The following SYTL4 variants were observed in gnomAD, a reference collection of about 807,000 sequenced individuals.
The protein encoded by SYTL4 is synaptotagmin-like protein 4.
Under a neutral mutation model 52.7 loss-of-function variants are expected in SYTL4, and 16 were observed. The ratio of observed to expected loss-of-function variants is 0.30; its 90% CI spans 0.21 to 0.46. SYTL4 has a LOEUF of 0.46. Ranked by LOEUF, SYTL4 falls within the 20% of genes least tolerant of loss-of-function variation. The pLI is 1.00. For missense variants in SYTL4, 423 were observed against 519.9 expected, an observed-to-expected ratio of 0.81 and a Z score of 1.81; for synonymous variants, 160 against 186.6, an observed-to-expected ratio of 0.86 and a Z score of 1.16.
intron 2 of SYTL4, among the ~76,000 whole-genome samples, chrX:100,730,572 TCA>T (rs758581373): frequency 1.8e-5 from 2 of 111,774 alleles, no homozygotes; most frequent in African/African-American, 6.5e-5. Context: ...AAAGAACTTA[TCA>T]CAGTGTCCAG....
At position 100,701,596 on chromosome X, in the gene SYTL4, C is replaced by A; in HGVS notation, c.188G>T (p.Cys63Phe). 1.7e-6 allele frequency: 2 copies of A among 1,211,855 alleles called. No homozygotes were observed. The highest frequency in any genetic ancestry group is 2.2e-6 in the Non-Finnish European group (2 of 895,558). ...GCCCAGGCTCTCCTGGCACCGGGCACAGGTCCGATCACTGTAGTGTTGGCT... is the reference window on the plus strand; with the variant it reads ...GCCCAGGCTCTCCTGGCACCGGGCAAAGGTCCGATCACTGTAGTGTTGGCT... ...RGSQHYSDRTCARCQESLGRL... is the reference protein window; with the variant it reads ...RGSQHYSDRTFARCQESLGRL... The change falls in exon 6 of 20, where the codon TGT becomes TTT. Residue 63 changes from cysteine to phenylalanine, a missense_variant. Coordinates refer to ENST00000372989, the MANE Select transcript of SYTL4 (RefSeq NM_001370165.1).
chrX:100,686,191 G>C, intron 15 of SYTL4, 40 bp from the exon 16 acceptor site: 1 of 1,148,733 alleles, frequency 8.7e-7, no homozygotes, highest in Admixed American at 2.5e-5. Flanking sequence ...ATTAGTTAAG[G>C]GTAATTCTTC....
At chrX:100,715,243 G>A (rs1324678552) in intron 2 of SYTL4, among the ~76,000 whole-genome samples, 13 of 111,424 alleles carry the variant, frequency 1.2e-4, no homozygotes, top group African/African-American at 2.9e-4. Flanking sequence ...GGCTGGTCTC[G>A]AACTCTTAGA....
intron 16 of SYTL4, among the ~76,000 whole-genome samples, chrX:100,684,124 C>T (rs970173341): frequency 8.9e-6 from 1 of 111,844 alleles, no homozygotes; most frequent in Non-Finnish European, 1.9e-5. Flanking sequence ...TATTTTGTTA[C>T]ATCCATCATT....
rs758941585 is a variant in SYTL4 at position 100,701,354 on chromosome X, C to T, written c.327-25G>A. ...TCTGGGAAGAAATAAAAGAAAATGA[C>T]AGATGGATAAAGAATGGTTCTTGTC... On this transcript the variant is annotated intron_variant, in intron 6 of 19. Transcript: ENST00000372989. The T allele has an allele frequency of 8.5e-6, 10 of 1,180,957 alleles. No individual in the cohort carries two copies. The South Asian group carries it at 1.6e-4, about 19-fold the overall frequency.
chrX:100,687,779 G>A (rs140676034), intron 13 of SYTL4: 1,152 of 113,754 alleles, frequency 0.01, 20 homozygotes, highest in African/African-American at 0.036. Flanking sequence ...GGTAGTAATC[G>A]GTCATGCGAG....
chrX:100,683,733 T>G (rs1031399189), intron 16 of SYTL4, among the ~76,000 whole-genome samples: 26 of 112,671 alleles, frequency 2.3e-4, no homozygotes, highest in African/African-American at 8.4e-4. Flanking sequence ...TCTACACAAT[T>G]TATTAATTTC....
rs779530459 is a variant in SYTL4, at chrX:100,678,304, A to T, written c.1867+87T>A. 42 of 639,647 alleles carry T rather than the reference A, an allele frequency of 6.6e-5. No homozygotes were observed. In the East Asian group the frequency reaches 1.0e-3, roughly 16 times the overall value. The allele number at this position is 639,647 out of a possible 1,213,427, so 52.7% of individuals were successfully genotyped here. A position where few individuals can be genotyped will look rare whatever the true frequency, so the allele number is the denominator to read the frequency against. On this transcript the variant is annotated intron_variant, in intron 19 of 19. Coordinates refer to ENST00000372989, the MANE Select transcript of SYTL4 (RefSeq NM_001370165.1). Reference sequence around the variant, plus strand: ...AAGAAGACAACTGTCATCACAGAGGAGCTTTGTGTTGGGGGGCGGGAATGG... The same window carrying T: ...AAGAAGACAACTGTCATCACAGAGGTGCTTTGTGTTGGGGGGCGGGAATGG...
At chrX:100,679,838 A>G (rs1018287491) in intron 17 of SYTL4, among the ~76,000 whole-genome samples, 15 of 111,631 alleles carry the variant, frequency 1.3e-4, no homozygotes, top group African/African-American at 4.6e-4. Context: ...CTCTTCAGAC[A>G]TCATCAATTT....
At chrX:100,720,525 A>G (rs1387345384) in intron 2 of SYTL4, among the ~76,000 whole-genome samples, 13 of 112,021 alleles carry the variant, frequency 1.2e-4, no homozygotes, top group Non-Finnish European at 9.4e-5. Context: ...GGGATCACAG[A>G]TGGTGGGGAT....
chrX:100,714,306 C>G (rs1291460745), intron 2 of SYTL4, among the ~76,000 whole-genome samples: 5 of 106,339 alleles, frequency 4.7e-5, no homozygotes, highest in African/African-American at 1.4e-4. Context: ...GTTGCCCAGG[C>G]TGGAGTGCAG....
chrX:100,706,668 TA>T (rs2147779161), intron 2 of SYTL4, among the ~76,000 whole-genome samples: 1 of 112,230 alleles, frequency 8.9e-6, no homozygotes, highest in Admixed American at 9.5e-5. Flanking sequence ...ATGAAACTCA[TA>T]TATGAGCAAA....
Position 100,674,664 on chromosome X carries a change from A to G in SYTL4, c.*1364T>C, listed in dbSNP as rs1378791952. ...TCGGTTCATACATACAGTAGAAACCACTGTGGCTGCCCTTAATCCAGTGTG... is the reference window on the plus strand; with the variant it reads ...TCGGTTCATACATACAGTAGAAACCGCTGTGGCTGCCCTTAATCCAGTGTG... On this transcript the variant is annotated 3_prime_UTR_variant, in exon 20 of 20. Coordinates refer to ENST00000372989, the MANE Select transcript of SYTL4 (RefSeq NM_001370165.1). 1 of 111,932 alleles carries G rather than the reference A, an allele frequency of 8.9e-6. No individual in the cohort carries two copies. Among genetic ancestry groups the G allele is most frequent in the Non-Finnish European group, 1.9e-5 (1 of 53,204 alleles). The allele number at this position is 111,932 out of a possible 1,213,427, so 9.2% of individuals were successfully genotyped here.
intron 2 of SYTL4, among the ~76,000 whole-genome samples, chrX:100,713,144 A>C (rs1352792143): frequency 1.6e-4 from 18 of 112,425 alleles, no homozygotes; most frequent in African/African-American, 5.8e-4. Context: ...TTTATCCAAG[A>C]AAAGCAAAAG....
intron 2 of SYTL4, among the ~76,000 whole-genome samples, chrX:100,720,748 A>G (rs2084324357): frequency 1.8e-5 from 2 of 112,538 alleles, no homozygotes; most frequent in African/African-American, 6.5e-5. Context: ...AAAACAATAA[A>G]AAATAACCTG....
At chrX:100,679,167 G>A in intron 18 of SYTL4, 146 bp downstream of exon 18, 2 of 465,036 alleles carry the variant, frequency 4.3e-6, no homozygotes, top group South Asian at 6.7e-5. Flanking sequence ...AGGTGGTGAA[G>A]GTTTTGTCAT....
intron 2 of SYTL4, among the ~76,000 whole-genome samples, chrX:100,721,353 A>G (rs184588086): frequency 9.0e-6 from 1 of 111,620 alleles, no homozygotes; most frequent in Non-Finnish European, 1.9e-5. Context: ...AAAGCTACAC[A>G]TACAGGAATC....
intron 2 of SYTL4, among the ~76,000 whole-genome samples, chrX:100,714,152 A>AG (rs1471891759): frequency 1.5e-4 from 17 of 112,244 alleles, no homozygotes; most frequent in African/African-American, 4.9e-4. Flanking sequence ...ACATTTTAAT[A>AG]TTAAATGTAA....
intron 2 of SYTL4, among the ~76,000 whole-genome samples, chrX:100,724,105 C>G (rs1176027301): frequency 1.1e-5 from 1 of 93,366 alleles, no homozygotes; most frequent in East Asian, 3.5e-4. Flanking sequence ...AGTGAGGAGC[C>G]CCTCTGCCCG....
Sources: allele counts gnomAD v4.1 joint callset (sites outside exome capture counted in the v4.1 genomes callset), GRCh38; gene constraint gnomAD v4.1.1; transcripts MANE v1.5; gene names NCBI Gene and HGNC (gene_info 2026-07-23, HGNC 2026-07-21).